The following MEF2A variants were observed in gnomAD, a reference collection of about 807,000 sequenced individuals.
MEF2A encodes myocyte-specific enhancer factor 2A.
In MEF2A, 28 loss-of-function variants were observed where a neutral mutation model predicts 55.8. The observed-to-expected ratio is 0.50, with a 90% CI of 0.37 to 0.69. MEF2A has a LOEUF of 0.69. Ranked by LOEUF, MEF2A falls within the 30% of genes least tolerant of loss-of-function variation. The probability of loss-of-function intolerance (pLI) is 0.00; values close to 1 mark genes in which losing one functional copy is unlikely to be tolerated. For synonymous variants in MEF2A, 239 were observed against 227.1 expected (o/e 1.05, Z -0.47); for missense variants, 528 against 626.2 (o/e 0.84, Z 1.67).
intron 8 of MEF2A, among the ~76,000 whole-genome samples, chr15:99,699,439 T>C (rs2057034636): frequency 6.6e-6 from 1 of 152,092 alleles, no homozygotes; most frequent in Non-Finnish European, 1.5e-5. Flanking sequence ...ATTTTTGAGG[T>C]GATGGAACTA....
At chr15:99,630,759 C>T (rs2042823409) in intron 2 of MEF2A, among the ~76,000 whole-genome samples, 1 of 152,240 alleles carries the variant, frequency 6.6e-6, no homozygotes, top group Non-Finnish European at 1.5e-5. Flanking sequence ...AGCTGTGCTT[C>T]TCTTCCTGCG....
At chr15:99,693,131 G>A (rs746433002) in intron 8 of MEF2A, among the ~76,000 whole-genome samples, 1 of 152,178 alleles carries the variant, frequency 6.6e-6, no homozygotes, top group Non-Finnish European at 1.5e-5. Flanking sequence ...ACCCAGTCCA[G>A]CTTCTAATGA....
At chr15:99,661,416 T>G (rs2153571174) in intron 4 of MEF2A, among the ~76,000 whole-genome samples, 1 of 150,980 alleles carries the variant, frequency 6.6e-6, no homozygotes, top group South Asian at 2.1e-4. Context: ...GATAAGCGTT[T>G]TTTTTTTTTT....
intron 7 of MEF2A, among the ~76,000 whole-genome samples, chr15:99,676,268 A>G (rs570219268): frequency 6.6e-6 from 1 of 152,292 alleles, no homozygotes; most frequent in Non-Finnish European, 1.5e-5. Flanking sequence ...ATGTGGGAAA[A>G]TACATAAAGG....
chr15:99,594,042 A>G (rs1401103006), intron 1 of MEF2A, among the ~76,000 whole-genome samples: 2 of 151,918 alleles, frequency 1.3e-5, no homozygotes, highest in African/African-American at 4.8e-5. Flanking sequence ...TCCAGTGGAC[A>G]CCAGCTGGAT....
intron 10 of MEF2A, among the ~76,000 whole-genome samples, chr15:99,709,064 C>T (rs1017988483): frequency 5.9e-5 from 9 of 152,128 alleles, no homozygotes; most frequent in Non-Finnish European, 1.0e-4. Context: ...GATGTCTTTG[C>T]TGTATATAGG....
At chr15:99,700,200 A>ACACACACACC (rs2057209660) in intron 8 of MEF2A, among the ~76,000 whole-genome samples, 1 of 134,860 alleles carries the variant, frequency 7.4e-6, no homozygotes, top group African/African-American at 2.7e-5. Context: ...ACACACACAC[A>ACACACACACC]CACACACACA....
At chr15:99,651,812 G>A (rs2046893495) in intron 4 of MEF2A, among the ~76,000 whole-genome samples, 1 of 152,144 alleles carries the variant, frequency 6.6e-6, no homozygotes, top group Admixed American at 6.5e-5. Flanking sequence ...GGTTTTTCTT[G>A]AGGTCATATT....
intron 6 of MEF2A, among the ~76,000 whole-genome samples, chr15:99,674,844 C>A (rs886362008): frequency 1.3e-5 from 2 of 152,204 alleles, no homozygotes; most frequent in South Asian, 4.2e-4. Flanking sequence ...TGCTTTCCTT[C>A]TCATGGGAAA....
At chr15:99,677,652 T>A (rs932308479) in intron 7 of MEF2A, among the ~76,000 whole-genome samples, 7 of 152,148 alleles carry the variant, frequency 4.6e-5, no homozygotes, top group African/African-American at 1.4e-4. Flanking sequence ...GAAGCAGTAT[T>A]TGAAGAGATA....
intron 2 of MEF2A, among the ~76,000 whole-genome samples, chr15:99,612,728 A>G (rs2153216149): frequency 6.6e-6 from 1 of 152,292 alleles, no homozygotes; most frequent in Non-Finnish European, 1.5e-5. Context: ...AAAGGAAAAC[A>G]GTGGTGTACT....
chr15:99,708,801 C>T (rs1203080594), intron 10 of MEF2A, among the ~76,000 whole-genome samples: 3 of 152,174 alleles, frequency 2.0e-5, no homozygotes, highest in South Asian at 2.1e-4. Context: ...AAGGAACATG[C>T]GTGACTCAGC....
Position 99,693,850 on chromosome 15 carries a change from C to T in MEF2A, c.858+3422C>T, listed in dbSNP as rs190467809. Among the ~76,000 whole-genome samples the T allele has an allele frequency of 2.0e-5, 3 of 152,280 alleles. No homozygotes were observed. In the East Asian group the frequency reaches 5.8e-4, roughly 29 times the overall value. On this transcript the variant is annotated intron_variant, in intron 8 of 11. Coordinates refer to ENST00000557942, the MANE Select transcript of MEF2A (RefSeq NM_001319206.4). ...TAAAATAAGTAAACTCTGGTTTTCC[C>T]TGCATTTTATAAACGTTTTATTTTT...
intron 8 of MEF2A, among the ~76,000 whole-genome samples, chr15:99,698,669 G>T (rs997505191): frequency 2.0e-5 from 3 of 151,976 alleles, no homozygotes; most frequent in Non-Finnish European, 4.4e-5. Context: ...GCGCATGCCT[G>T]TAATCCCAGC....
At chr15:99,609,003 T>C (rs764409600) in intron 2 of MEF2A, among the ~76,000 whole-genome samples, 1 of 152,204 alleles carries the variant, frequency 6.6e-6, no homozygotes, top group East Asian at 1.9e-4. Context: ...GTAGATAGTT[T>C]AGAGGTATCA....
intron 2 of MEF2A, among the ~76,000 whole-genome samples, chr15:99,605,103 A>G (rs1340772150): frequency 6.6e-6 from 1 of 151,678 alleles, no homozygotes; most frequent in African/African-American, 2.4e-5. Flanking sequence ...GCATCACCAC[A>G]CCCAGCTATT....
At chr15:99,653,352 G>C (rs1395840387) in intron 4 of MEF2A, among the ~76,000 whole-genome samples, 1 of 152,158 alleles carries the variant, frequency 6.6e-6, no homozygotes, top group Non-Finnish European at 1.5e-5. Flanking sequence ...TGTTCTCAGA[G>C]AGAGACTAGG....
At chr15:99,592,785 G>A (rs1969787435) in intron 1 of MEF2A, among the ~76,000 whole-genome samples, 1 of 152,054 alleles carries the variant, frequency 6.6e-6, no homozygotes, top group South Asian at 2.1e-4. Flanking sequence ...GCACCAAGTC[G>A]TTCATGAGAC....
intron 1 of MEF2A, among the ~76,000 whole-genome samples, chr15:99,576,019 T>A (rs1344015291): frequency 6.6e-6 from 1 of 152,222 alleles, no homozygotes; most frequent in Non-Finnish European, 1.5e-5. Flanking sequence ...AGTAAGATAT[T>A]CCAGGCTCAT....
Sources: allele counts gnomAD v4.1 joint callset (sites outside exome capture counted in the v4.1 genomes callset), GRCh38; gene constraint gnomAD v4.1.1; transcripts MANE v1.5; gene names NCBI Gene and HGNC (gene_info 2026-07-23, HGNC 2026-07-21).